KCNMB2: variants seen among roughly 807,000 people sequenced by gnomAD.
The protein encoded by KCNMB2 is potassium calcium-activated channel subfamily M regulatory beta subunit 2.
In KCNMB2, 9 loss-of-function variants were observed where a neutral mutation model predicts 24.5. That is an observed-to-expected ratio of 0.37 (90% CI 0.22 to 0.64). The LOEUF (loss-of-function observed/expected upper bound fraction) is 0.64. Among genes scored for constraint, KCNMB2 ranks in the 30% least tolerant of loss-of-function variants. KCNMB2 has a pLI of 0.63. For synonymous variants in KCNMB2, 109 were observed against 104.4 expected (o/e 1.04, Z -0.27); for missense variants, 226 against 284.3 (o/e 0.79, Z 1.47).
At chr3:178,576,114 C>G (rs571036645) in intron 1 of KCNMB2, among the ~76,000 whole-genome samples, 2 of 151,842 alleles carry the variant, frequency 1.3e-5, no homozygotes, top group African/African-American at 4.8e-5. Context: ...ATGCAGAAGG[C>G]GGGTGATTTC....
At chr3:178,629,642 TA>T (rs1446876732) in intron 1 of KCNMB2, among the ~76,000 whole-genome samples, 1 of 152,150 alleles carries the variant, frequency 6.6e-6, no homozygotes, top group Non-Finnish European at 1.5e-5. Context: ...CCTCTTATAG[TA>T]AAAGCTTTGT....
At chr3:178,609,851 T>C (rs1718418508) in intron 1 of KCNMB2, among the ~76,000 whole-genome samples, 1 of 152,100 alleles carries the variant, frequency 6.6e-6, no homozygotes. Flanking sequence ...TTGCTCAGGC[T>C]GGTTTCAAGC....
intron 1 of KCNMB2, among the ~76,000 whole-genome samples, chr3:178,652,479 G>A (rs1279132277): frequency 6.6e-6 from 1 of 151,590 alleles, no homozygotes; most frequent in Non-Finnish European, 1.5e-5. Flanking sequence ...AAAAAATCAT[G>A]TATTTTTTTC....
intron 1 of KCNMB2, among the ~76,000 whole-genome samples, chr3:178,654,432 C>T (rs990193291): frequency 6.6e-6 from 1 of 151,748 alleles, no homozygotes; most frequent in African/African-American, 2.4e-5. Flanking sequence ...ACAAAGATGA[C>T]CAAAAATTTG....
At chr3:178,816,545 C>A (rs1301106050) in intron 2 of KCNMB2, among the ~76,000 whole-genome samples, 1 of 152,032 alleles carries the variant, frequency 6.6e-6, no homozygotes, top group African/African-American at 2.4e-5. Context: ...CTTTTCCTAA[C>A]TTACTAATTT....
intron 1 of KCNMB2, among the ~76,000 whole-genome samples, chr3:178,714,346 T>G (rs1010278263): frequency 6.6e-6 from 1 of 152,274 alleles, no homozygotes; most frequent in Middle Eastern, 3.4e-3. Context: ...CTCAAACAAG[T>G]AAGTTACAAG....
chr3:178,839,615 A>G (rs1715354982), intron 4 of KCNMB2, among the ~76,000 whole-genome samples: 1 of 152,206 alleles, frequency 6.6e-6, no homozygotes, highest in Non-Finnish European at 1.5e-5. Context: ...GAAGCTTACA[A>G]TCATGATGGA....
At chr3:178,730,779 C>T (rs1216702538) in intron 1 of KCNMB2, among the ~76,000 whole-genome samples, 1 of 152,040 alleles carries the variant, frequency 6.6e-6, no homozygotes, top group African/African-American at 2.4e-5. Flanking sequence ...TGCATCAAGC[C>T]TTCCCCCTGC....
Position 178,676,890 on chromosome 3 carries a change from C to T in KCNMB2, c.-67-130453C>T, listed in dbSNP as rs73044277. On this transcript the variant is annotated intron_variant, in intron 1 of 4. Coordinates refer to ENST00000452583, the MANE Select transcript of KCNMB2 (RefSeq NM_181361.3). Reference sequence around the variant, plus strand: ...CTTTCTGCTGCATTACCTCACTGAGCCCTCACTAGAGTGTGGAAGGCCTAA... The same window carrying T: ...CTTTCTGCTGCATTACCTCACTGAGTCCTCACTAGAGTGTGGAAGGCCTAA... Among the ~76,000 whole-genome samples, 252 of 152,210 alleles carry T rather than the reference C, an allele frequency of 1.7e-3. 1 individual carries two copies. The highest frequency in any genetic ancestry group is 5.8e-3 in the African/African-American group (241 of 41,534).
rs60623956 is a variant in KCNMB2, at chr3:178,703,001, TGAA to T, written c.-67-104339_-67-104337del. On this transcript the variant is annotated intron_variant, in intron 1 of 4. Coordinates refer to ENST00000452583, the MANE Select transcript of KCNMB2 (RefSeq NM_181361.3). ...AGGTTGGGAGACAAGAGGAGAAGGA[TGAA>T]GATTAGTTATGTAGTTAATTGTACA... Among the ~76,000 whole-genome samples, 249 of 152,246 alleles carry T rather than the reference TGAA, an allele frequency of 1.6e-3. 1 individual carries two copies. The highest frequency in any genetic ancestry group is 5.7e-3 in the African/African-American group (238 of 41,548).
intron 1 of KCNMB2, among the ~76,000 whole-genome samples, chr3:178,567,165 G>C (rs73052502): frequency 6.6e-6 from 1 of 152,176 alleles, no homozygotes; most frequent in African/African-American, 2.4e-5. Context: ...GAAGCAGAAA[G>C]ATCAATGGAA....
In KCNMB2 at chr3:178,810,942, C is replaced by T. The variant is rs566582971; in HGVS notation, c.56+3477C>T. 7.7e-5 allele frequency among the ~76,000 whole-genome samples: 10 copies of T among 129,754 alleles called. No homozygotes were observed. In the South Asian group the frequency reaches 9.9e-4, roughly 13 times the overall value. The allele number at this position is 129,754 out of a possible 152,430, so 85.1% of individuals were successfully genotyped here. Reference sequence around the variant, plus strand: ...TTTTTTTTTGTATTTTTAATAGAGACGGGGCTTCACCATGTTAGCCAGGAT... The same window carrying T: ...TTTTTTTTTGTATTTTTAATAGAGATGGGGCTTCACCATGTTAGCCAGGAT... On this transcript the variant is annotated intron_variant, in intron 2 of 4. Transcript: ENST00000452583.
chr3:178,673,971 G>A (rs918461925), intron 1 of KCNMB2, among the ~76,000 whole-genome samples: 1 of 152,072 alleles, frequency 6.6e-6, no homozygotes, highest in Admixed American at 6.5e-5. Flanking sequence ...TTTTAATCAT[G>A]TTTACTAAAC....
At chr3:178,775,525 G>A (rs73051682) in intron 1 of KCNMB2, among the ~76,000 whole-genome samples, 4,688 of 152,060 alleles carry the variant, frequency 0.031, 254 homozygotes, top group African/African-American at 0.11. Flanking sequence ...GGATTTTCAC[G>A]CTAAAAATAT....
intron 2 of KCNMB2, among the ~76,000 whole-genome samples, chr3:178,812,355 T>C (rs1305080580): frequency 6.6e-6 from 1 of 151,122 alleles, no homozygotes; most frequent in Non-Finnish European, 1.5e-5. Context: ...TCATTTAGCA[T>C]TAGGTATATC....
At chr3:178,711,640 T>A (rs533847482) in intron 1 of KCNMB2, among the ~76,000 whole-genome samples, 29 of 151,976 alleles carry the variant, frequency 1.9e-4, no homozygotes, top group Middle Eastern at 3.4e-3. Flanking sequence ...GAAAACAGAG[T>A]CTTCAGAACA....
intron 1 of KCNMB2, among the ~76,000 whole-genome samples, chr3:178,633,484 C>T (rs1392172499): frequency 6.6e-6 from 1 of 152,252 alleles, no homozygotes; most frequent in Non-Finnish European, 1.5e-5. Context: ...TTGGGGCTCA[C>T]ACCCTCTGAA....
At chr3:178,643,895 C>G (rs1029427032) in intron 1 of KCNMB2, among the ~76,000 whole-genome samples, 1 of 152,346 alleles carries the variant, frequency 6.6e-6, no homozygotes, top group Middle Eastern at 3.4e-3. Flanking sequence ...CCCTCAAGAG[C>G]TTAGACCTTG....
intron 1 of KCNMB2, among the ~76,000 whole-genome samples, chr3:178,755,523 C>G (rs1005519683): frequency 5.3e-5 from 8 of 152,080 alleles, no homozygotes; most frequent in African/African-American, 1.9e-4. Flanking sequence ...CCATAGCCAC[C>G]CTTTTGTATC....
Sources: allele counts gnomAD v4.1 joint callset (sites outside exome capture counted in the v4.1 genomes callset), GRCh38; gene constraint gnomAD v4.1.1; transcripts MANE v1.5; gene names NCBI Gene and HGNC (gene_info 2026-07-23, HGNC 2026-07-21).